FOXK1: variants seen among roughly 807,000 people sequenced by gnomAD.
FOXK1 encodes the protein forkhead box protein K1.
In FOXK1, 19 loss-of-function variants were observed where a neutral mutation model predicts 51.9. The observed-to-expected ratio is 0.37, with a 90% confidence interval of 0.26 to 0.54. The LOEUF (loss-of-function observed/expected upper bound fraction) is 0.54. FOXK1 is among the 20% of genes least tolerant of loss of function. The probability of loss-of-function intolerance (pLI) is 0.87; values close to 1 mark genes in which losing one functional copy is unlikely to be tolerated. For synonymous variants in FOXK1, 537 were observed against 482.6 expected (o/e 1.11, Z -1.48); for missense variants, 870 against 1,032.7 (o/e 0.84, Z 2.16).
intron 1 of FOXK1, among the ~76,000 whole-genome samples, chr7:4,718,902 G>A (rs1326009889): frequency 6.6e-6 from 1 of 151,744 alleles, no homozygotes; most frequent in Non-Finnish European, 1.5e-5. Context: ...CTCCGCCTCC[G>A]GGGTTCAAGC....
rs1306506278 is a variant in FOXK1 at position 4,723,691 on chromosome 7, A to C, written c.561-17147A>C. The stretch of plus-strand genomic sequence containing the variant: ...CTACCAATGTTTGTTTATTTGAGAT[A>C]GGGTCTTGCTCTGTCTCCCAGGCTG... On this transcript the variant is annotated intron_variant, in intron 1 of 8. Coordinates refer to ENST00000328914, the MANE Select transcript of FOXK1 (RefSeq NM_001037165.2). This position sits in a 1 kb window ranked among gnomAD's most constrained non-coding sequence, Gnocchi z 4.7. Among the ~76,000 whole-genome samples, 10 of 152,200 alleles carry C rather than the reference A, an allele frequency of 6.6e-5. No homozygotes were observed. Among genetic ancestry groups the C allele is most frequent in the Non-Finnish European group, 1.2e-4 (8 of 68,036 alleles).
chr7:4,712,364 A>G (rs1780185750), intron 1 of FOXK1, among the ~76,000 whole-genome samples: 1 of 152,120 alleles, frequency 6.6e-6, no homozygotes, highest in African/African-American at 2.4e-5. Context: ...GGTGGTCTTG[A>G]AGAACCCCAA....
At position 4,709,022 on chromosome 7, in the gene FOXK1, C is replaced by T. The variant is rs1478879281; in HGVS notation, c.560+26154C>T. Among the ~76,000 whole-genome samples, 2 of 150,322 alleles carry T rather than the reference C, an allele frequency of 1.3e-5. No individual in the cohort carries two copies. The highest frequency in any genetic ancestry group is 3.9e-4 in the East Asian group (2 of 5,128). ...GGAGGTTGCAGTGAGCCAAGATCGC[C>T]CCACTGCACTCCAGCCTGGGCAATG... On this transcript the variant is annotated intron_variant, in intron 1 of 8. Transcript: ENST00000328914. This position sits in a 1 kb window ranked among gnomAD's most constrained non-coding sequence, Gnocchi z 5.6.
rs986132321 is a variant in FOXK1, at chr7:4,762,540, C to T, written c.*76C>T. ...CTGGACCCGGCAGCTCAGGCGGCCG[C>T]ACCCACAGACGGAGGAGAACAGCCC... On this transcript the variant is annotated 3_prime_UTR_variant, in exon 9 of 9. Transcript: ENST00000328914. This position sits in a 1 kb window ranked among gnomAD's most constrained non-coding sequence, Gnocchi z 5.7. The T allele has an allele frequency of 2.1e-6, 3 of 1,424,032 alleles. No homozygotes were observed. Among genetic ancestry groups the T allele is most frequent in the African/African-American group, 2.9e-5 (2 of 70,118 alleles). 88.2% of individuals were successfully genotyped at this position (1,424,032 alleles called of 1,614,324 possible).
chr7:4,691,604 G>T (rs941848107), intron 1 of FOXK1, among the ~76,000 whole-genome samples: 2 of 152,136 alleles, frequency 1.3e-5, no homozygotes, highest in African/African-American at 4.8e-5. Flanking sequence ...CCAAAGTGCT[G>T]GGATTTCAGG....
At position 4,733,833 on chromosome 7, in the gene FOXK1, G is replaced by C. The variant is rs545078485; in HGVS notation, c.561-7005G>C. 1.3e-5 allele frequency among the ~76,000 whole-genome samples: 2 copies of C among 152,222 alleles called. No individual in the cohort carries two copies. Among genetic ancestry groups the C allele is most frequent in the African/African-American group, 2.4e-5 (1 of 41,458 alleles). On this transcript the variant is annotated intron_variant, in intron 1 of 8. Coordinates refer to ENST00000328914, the MANE Select transcript of FOXK1 (RefSeq NM_001037165.2). The surrounding 1 kb of genome is among the most constrained non-coding windows in gnomAD (Gnocchi z 5.0). The stretch of plus-strand genomic sequence containing the variant: ...CTGCAGGCTGGGTGGGACGGTGGGA[G>C]CCTTTCCCTGGTCTTTAGTCCGGCT...
At chr7:4,736,970 T>C (rs1347946434) in intron 1 of FOXK1, among the ~76,000 whole-genome samples, 1 of 152,212 alleles carries the variant, frequency 6.6e-6, no homozygotes, top group Non-Finnish European at 1.5e-5. Context: ...TGGGGAGTGA[T>C]TTAGCCCAAG....
chr7:4,757,666 T>TAAAAAAAAAAAA (rs1780873925), intron 5 of FOXK1, among the ~76,000 whole-genome samples: 1 of 91,690 alleles, frequency 1.1e-5, no homozygotes. Flanking sequence ...AAAAAAAAAG[T>TAAAAAAAAAAAA]AATACAAATG....
Position 4,683,482 on chromosome 7 carries a change from TCCCAC to T in FOXK1, c.560+619_560+623del, listed in dbSNP as rs1256730324. On this transcript the variant is annotated intron_variant, in intron 1 of 8. Coordinates refer to ENST00000328914, the MANE Select transcript of FOXK1 (RefSeq NM_001037165.2). The surrounding 1 kb of genome is among the most constrained non-coding windows in gnomAD (Gnocchi z 4.5). Reference sequence around the variant, plus strand: ...CACAAGCCTGGGCTCGCAGGGCCACTCCCACCCCAGCTCCACCCAGCTGGGTTACT... The same window carrying T: ...CACAAGCCTGGGCTCGCAGGGCCACTCCCAGCTCCACCCAGCTGGGTTACT... Among the ~76,000 whole-genome samples, 3 of 147,690 alleles carry T rather than the reference TCCCAC, an allele frequency of 2.0e-5. No homozygotes were observed. In the East Asian group the frequency reaches 6.0e-4, roughly 30 times the overall value.
intron 1 of FOXK1, among the ~76,000 whole-genome samples, chr7:4,716,839 G>C (rs1482762666): frequency 2.0e-5 from 3 of 152,244 alleles, no homozygotes; most frequent in African/African-American, 7.2e-5. Context: ...ACTATTTTAA[G>C]CTGATTGCTT....
rs770785559 is a variant in FOXK1, at chr7:4,761,263, G to C, written c.1896G>C (p.Thr632=). Residue 632 remains threonine, a synonymous_variant, in exon 8 of 9, where the codon ACG becomes ACC. Coordinates refer to ENST00000328914, the MANE Select transcript of FOXK1 (RefSeq NM_001037165.2). This position sits in a 1 kb window ranked among gnomAD's most constrained non-coding sequence, Gnocchi z 6.2. The part of the protein sequence containing the change: ...VTQNGKHAVP[T]NSLAGNAYAL... ...AGAACGGAAAGCATGCGGTTCCCAC[G>C]AACAGTTTAGCCGGCAACGCTTACG... is the stretch of plus-strand genomic sequence containing the variant. The C allele has an allele frequency of 1.2e-6, 2 of 1,612,766 alleles. No individual in the cohort carries two copies. Among genetic ancestry groups the C allele is most frequent in the East Asian group, 2.2e-5 (1 of 44,888 alleles).
Position 4,766,912 on chromosome 7 carries a change from C to G in FOXK1, c.*4448C>G, listed in dbSNP as rs1448483926. On this transcript the variant is annotated 3_prime_UTR_variant, in exon 9 of 9. Coordinates refer to ENST00000328914, the MANE Select transcript of FOXK1 (RefSeq NM_001037165.2). The surrounding 1 kb of genome is among the most constrained non-coding windows in gnomAD (Gnocchi z 5.5). ...CCTTCTTTGGGCGATTCAGTGAGTT[C>G]AGGAGGAGGAGGAAGCTTTTCCTTG... 2.0e-5 allele frequency: 3 copies of G among 152,178 alleles called. No individual in the cohort carries two copies. The highest frequency in any genetic ancestry group is 1.3e-4 in the Admixed American group (2 of 15,268). 9.4% of individuals were successfully genotyped at this position (152,178 alleles called of 1,614,324 possible). A position where few individuals can be genotyped will look rare whatever the true frequency, so the allele number is the denominator to read the frequency against.
chr7:4,697,885 C>T (rs967182880), intron 1 of FOXK1, among the ~76,000 whole-genome samples: 8 of 151,572 alleles, frequency 5.3e-5, no homozygotes, highest in African/African-American at 9.7e-5. Context: ...AGTGCAGTGG[C>T]GTGATCTCAG....
chr7:4,697,553 C>T (rs1251993793), intron 1 of FOXK1, among the ~76,000 whole-genome samples: 1 of 152,208 alleles, frequency 6.6e-6, no homozygotes, highest in Non-Finnish European at 1.5e-5. Flanking sequence ...CGTCTGCACA[C>T]CCCTGCCTTA....
chr7:4,740,314 C>T (rs1200068045), intron 1 of FOXK1, among the ~76,000 whole-genome samples: 3 of 152,022 alleles, frequency 2.0e-5, no homozygotes, highest in Non-Finnish European at 4.4e-5. Flanking sequence ...CCTGTAGTCC[C>T]AGCTACTCGG....
At position 4,756,958 on chromosome 7, in the gene FOXK1, T is replaced by A. The variant is rs751822034; in HGVS notation, c.1051-36T>A. 6.2e-7 allele frequency: 1 copy of A among 1,602,930 alleles called. No homozygotes were observed. Among genetic ancestry groups the A allele is most frequent in the South Asian group, 1.1e-5 (1 of 90,372 alleles). ...GGTGGGTGGGACTCATTTTCTGATT[T>A]GCTGGTGATGGGTGAATATCTCTGC... On this transcript the variant is annotated intron_variant, in intron 4 of 8. Transcript: ENST00000328914. This position sits in a 1 kb window ranked among gnomAD's most constrained non-coding sequence, Gnocchi z 4.1.
chr7:4,757,289 A>C, intron 5 of FOXK1, 102 bp downstream of exon 5: 1 of 1,071,302 alleles, frequency 9.3e-7, no homozygotes, highest in Non-Finnish European at 1.4e-6. Flanking sequence ...CTGTGGGCTC[A>C]GGCTCAGTGT....
rs376229536 is a variant in FOXK1 at position 4,721,677 on chromosome 7, C to G, written c.561-19161C>G. 9.5e-5 allele frequency among the ~76,000 whole-genome samples: 14 copies of G among 146,756 alleles called. 1 individual carries two copies. The East Asian group carries it at 2.0e-3, about 21-fold the overall frequency. On this transcript the variant is annotated intron_variant, in intron 1 of 8. Transcript: ENST00000328914. Reference sequence around the variant, plus strand: ...GCGATCTTGGCTCACTGCAACCTCTCCCTCCTGGATTCAAGCAGTTCTTCT... The same window carrying G: ...GCGATCTTGGCTCACTGCAACCTCTGCCTCCTGGATTCAAGCAGTTCTTCT...
In FOXK1 at chr7:4,709,525, G is replaced by A. The variant is rs568591904; in HGVS notation, c.560+26657G>A. On this transcript the variant is annotated intron_variant, in intron 1 of 8. Coordinates refer to ENST00000328914, the MANE Select transcript of FOXK1 (RefSeq NM_001037165.2). The surrounding 1 kb of genome is among the most constrained non-coding windows in gnomAD (Gnocchi z 5.6). Reference sequence around the variant, plus strand: ...CCTGCTGGCAGATCGAGGCTGGCCCGTGACCGGGGCAGGCGGACCTTCTCC... The same window carrying A: ...CCTGCTGGCAGATCGAGGCTGGCCCATGACCGGGGCAGGCGGACCTTCTCC... 1.1e-3 allele frequency among the ~76,000 whole-genome samples: 172 copies of A among 152,306 alleles called. No homozygotes were observed. Among genetic ancestry groups the A allele is most frequent in the South Asian group, 6.6e-3 (32 of 4,826 alleles).
Sources: allele counts gnomAD v4.1 joint callset (sites outside exome capture counted in the v4.1 genomes callset), GRCh38; gene constraint gnomAD v4.1.1; non-coding constraint Gnocchi (gnomAD v3.1); transcripts MANE v1.5; gene names NCBI Gene and HGNC (gene_info 2026-07-23, HGNC 2026-07-21).